Variants in GGT7 observed in about 807,000 individuals in gnomAD.
GGT7 encodes gamma-glutamyltransferase 7.
In GGT7, 30 loss-of-function variants were observed where a neutral mutation model predicts 69.2. The observed-to-expected ratio is 0.43, with a 90% CI of 0.32 to 0.59. The LOEUF is 0.59. GGT7 is among the 20% of genes least tolerant of loss of function. The pLI is 0.05. For missense variants in GGT7, 733 were observed against 901.1 expected, an observed-to-expected ratio of 0.81 and a Z score of 2.39; for synonymous variants, 388 against 391.8, an observed-to-expected ratio of 0.99 and a Z score of 0.12.
At chr20:34,867,042 C>T (rs1271060124) in intron 1 of GGT7, among the ~76,000 whole-genome samples, 2 of 152,190 alleles carry the variant, frequency 1.3e-5, no homozygotes, top group Non-Finnish European at 2.9e-5. Flanking sequence ...GCACAGAACT[C>T]TCCTTGGCCC....
chr20:34,859,625 C>A lies in GGT7; in HGVS notation c.832G>T (p.Glu278Ter). The A allele has an allele frequency of 6.3e-7, 1 of 1,596,770 alleles. No individual in the cohort carries two copies. The highest frequency in any genetic ancestry group is 8.5e-7 in the Non-Finnish European group (1 of 1,170,190). The change falls in exon 7 of 15, where the codon GAA (glutamate) becomes TAA (stop). Residue 278 changes from glutamate to a stop codon, truncating the protein, a stop_gained. Coordinates refer to ENST00000336431, the MANE Select transcript of GGT7 (RefSeq NM_178026.3). LOFTEE classifies it high-confidence loss of function. ...TCGGACATGTTGGGTGGCAGCTGTTCAGCCAGGGCACGGGCTAGGGGCAGG... is the reference window on the plus strand; with the variant it reads ...TCGGACATGTTGGGTGGCAGCTGTTAAGCCAGGGCACGGGCTAGGGGCAGG... ...VTHDLARALA[E>*]QLPPNMSERF... is the part of the protein sequence containing the mutation.
At chr20:34,870,513 C>G (rs947324010) in intron 1 of GGT7, among the ~76,000 whole-genome samples, 1 of 152,110 alleles carries the variant, frequency 6.6e-6, no homozygotes, top group Non-Finnish European at 1.5e-5. Context: ...TTTTTTGAGA[C>G]AGAGTCTCAC....
At chr20:34,867,743 A>G (rs2079716185) in intron 1 of GGT7, among the ~76,000 whole-genome samples, 1 of 152,174 alleles carries the variant, frequency 6.6e-6, no homozygotes, top group Admixed American at 6.5e-5. Context: ...AATAAAATGA[A>G]TAAGTGGCAG....
At chr20:34,854,972 TCACATCC>T (rs1443740512) in intron 8 of GGT7, 49 bp from the exon 9 acceptor site, 3 of 1,592,176 alleles carry the variant, frequency 1.9e-6, no homozygotes, top group Admixed American at 1.7e-5. Context: ...CAAGGCACCT[TCACATCC>T]CACATCCCAT....
At chr20:34,853,497 G>C (rs1214391630) in intron 10 of GGT7, among the ~76,000 whole-genome samples, 2 of 151,104 alleles carry the variant, frequency 1.3e-5, no homozygotes, top group African/African-American at 4.9e-5. Flanking sequence ...GGGAGGCAGA[G>C]GTTACAGTGA....
At chr20:34,850,273 C>T in intron 13 of GGT7, 1 of 745,766 alleles carries the variant, frequency 1.3e-6, no homozygotes, top group Non-Finnish European at 2.5e-6. Flanking sequence ...AGGAAAATGA[C>T]TTACTCCAGA....
At chr20:34,847,027 GTCCCTACCA>G (rs1386408716) in intron 14 of GGT7, among the ~76,000 whole-genome samples, 1 of 152,136 alleles carries the variant, frequency 6.6e-6, no homozygotes, top group Non-Finnish European at 1.5e-5. Flanking sequence ...TAAAACAGCA[GTCCCTACCA>G]TCTTTACCTT....
At chr20:34,861,760 G>C (rs2079600158) in intron 3 of GGT7, among the ~76,000 whole-genome samples, 198 bp from the exon 4 acceptor site, 1 of 152,140 alleles carries the variant, frequency 6.6e-6, no homozygotes. Flanking sequence ...AAGAGGGTTG[G>C]AGACCCAGGG....
At chr20:34,852,026 G>T in intron 12 of GGT7, 129 bp downstream of exon 12, 2 of 704,990 alleles carry the variant, frequency 2.8e-6, no homozygotes, top group South Asian at 3.2e-5. Flanking sequence ...GGGATGAGGT[G>T]AACCTCTTCT....
rs774209627 is a variant in GGT7, at chr20:34,860,046, G to A, written c.744-4C>T. On this transcript the variant is annotated splice_polypyrimidine_tract_variant and splice_region_variant and intron_variant, in intron 5 of 14. Transcript: ENST00000336431. ...CAGGACTTGGGACCATGGCAGCCTG[G>A]GGGGGCCGGAGAGCAGGGGGTGGAG... 1.9e-6 allele frequency: 3 copies of A among 1,553,986 alleles called. No homozygotes were observed. Among genetic ancestry groups the A allele is most frequent in the Non-Finnish European group, 2.6e-6 (3 of 1,144,420 alleles).
chr20:34,846,296 C>T (rs920000417), intron 14 of GGT7, among the ~76,000 whole-genome samples: 2 of 106,624 alleles, frequency 1.9e-5, no homozygotes, highest in African/African-American at 8.5e-5. Context: ...CCCTCCCTTC[C>T]TTTCTTTCTT....
At chr20:34,861,049 A>G (rs973188767) in intron 4 of GGT7, among the ~76,000 whole-genome samples, 2 of 152,226 alleles carry the variant, frequency 1.3e-5, no homozygotes, top group Admixed American at 1.3e-4. Context: ...GTTATTCGAT[A>G]TCTTCTTTTT....
intron 4 of GGT7, 183 bp downstream of exon 4, chr20:34,861,262 T>G: frequency 2.5e-6 from 1 of 397,840 alleles, no homozygotes. Flanking sequence ...GAAGTAAGGT[T>G]CCAGATTTTC....
intron 14 of GGT7, among the ~76,000 whole-genome samples, chr20:34,847,170 A>G (rs1261093838): frequency 6.6e-6 from 1 of 152,220 alleles, no homozygotes; most frequent in African/African-American, 2.4e-5. Flanking sequence ...ATTGATCTCC[A>G]GTGACAGGGT....
At chr20:34,851,200 T>C (rs763641807) in intron 13 of GGT7, 31 bp downstream of exon 13, 42 of 1,610,072 alleles carry the variant, frequency 2.6e-5, no homozygotes, top group Non-Finnish European at 3.5e-5. Context: ...GGCTCCCGGC[T>C]GAAAAAGGCC....
At position 34,845,037 on chromosome 20, in the gene GGT7, GGA is replaced by G. The variant is rs2079276896; in HGVS notation, c.*289_*290del. The G allele has an allele frequency of 2.4e-6, 1 of 420,436 alleles. No homozygotes were observed. The highest frequency in any genetic ancestry group is 4.3e-6 in the Non-Finnish European group (1 of 232,724). 26.0% of individuals were successfully genotyped at this position (420,436 alleles called of 1,614,324 possible). ...GCTCGGGGCCAGCATGGCTGAAGGA[GGA>G]GAGGTGACACACAGACAGATAGTCT... On this transcript the variant is annotated 3_prime_UTR_variant, in exon 15 of 15. Transcript: ENST00000336431.
Position 34,849,855 on chromosome 20 carries a change from A to G in GGT7, c.1825+106T>C. The G allele has an allele frequency of 4.8e-6, 3 of 630,966 alleles. No individual in the cohort carries two copies. The South Asian group carries it at 6.3e-5, about 13-fold the overall frequency. The allele number at this position is 630,966 out of a possible 1,614,324, so 39.1% of individuals were successfully genotyped here. ...AATAGAAATTTGCCAAATAAAACCAAACTTCACTGGCAGTTGGTGCTGGTT... is the reference window on the plus strand; with the variant it reads ...AATAGAAATTTGCCAAATAAAACCAGACTTCACTGGCAGTTGGTGCTGGTT... On this transcript the variant is annotated intron_variant, in intron 14 of 14. Coordinates refer to ENST00000336431, the MANE Select transcript of GGT7 (RefSeq NM_178026.3).
Position 34,844,729 on chromosome 20 carries a change from ATTCT to A in GGT7, c.*595_*598del, listed in dbSNP as rs1189727428. 6.5e-6 allele frequency: 1 copy of A among 152,876 alleles called. No homozygotes were observed. The highest frequency in any genetic ancestry group is 1.5e-5 in the Non-Finnish European group (1 of 68,262). 9.5% of individuals were successfully genotyped at this position (152,876 alleles called of 1,614,324 possible). ...TAAACCAGAGCCATGGTTAAGCAAC[ATTCT>A]TTCTTTAATTTCCCTTTGCAAATGG... On this transcript the variant is annotated 3_prime_UTR_variant, in exon 15 of 15. Coordinates refer to ENST00000336431, the MANE Select transcript of GGT7 (RefSeq NM_178026.3).
At chr20:34,851,499 G>C (rs750179813) in intron 12 of GGT7, 131 bp from the exon 13 acceptor site, 57 of 900,042 alleles carry the variant, frequency 6.3e-5, no homozygotes, top group Non-Finnish European at 8.8e-5. Context: ...CTGGGAGACT[G>C]GTCCCTTCCC....
Sources: allele counts gnomAD v4.1 joint callset (sites outside exome capture counted in the v4.1 genomes callset), GRCh38; gene constraint gnomAD v4.1.1; transcripts MANE v1.5; gene names NCBI Gene and HGNC (gene_info 2026-07-23, HGNC 2026-07-21).